The following QTMAN variants were observed in gnomAD, a reference collection of about 807,000 sequenced individuals.
QTMAN encodes the protein tRNA-queuosine alpha-mannosyltransferase.
the QTMAN span, among the ~76,000 whole-genome samples, chr2:144,116,340 G>A: frequency 2.0e-5 from 3 of 151,664 alleles, no homozygotes; most frequent in South Asian, 4.2e-4. Flanking sequence ...AGGGGTGTGT[G>A]TGTGTGCATG....
the QTMAN span, among the ~76,000 whole-genome samples, chr2:144,187,604 A>C: frequency 6.6e-6 from 1 of 152,220 alleles, no homozygotes; most frequent in South Asian, 2.1e-4. Context: ...AATATCTTAC[A>C]GCGTCTTCTG....
At chr2:144,175,588 C>CTCCT in the QTMAN span, among the ~76,000 whole-genome samples, 6 of 152,034 alleles carry the variant, frequency 3.9e-5, no homozygotes, top group African/African-American at 9.7e-5. Context: ...GCAGATAAGT[C>CTCCT]TCCTTCCTTC....
chr2:143,983,051 A>C, the QTMAN span, among the ~76,000 whole-genome samples: 175 of 152,276 alleles, frequency 1.1e-3, no homozygotes, highest in African/African-American at 3.9e-3. Flanking sequence ...GTATATTTTT[A>C]AATCAGAATA....
At chr2:144,308,693 C>T in the QTMAN span, among the ~76,000 whole-genome samples, 19 of 151,904 alleles carry the variant, frequency 1.3e-4, no homozygotes, top group South Asian at 2.1e-4. Context: ...TTGCCGGACG[C>T]GGTGGCTCAC....
the QTMAN span, among the ~76,000 whole-genome samples, chr2:144,255,533 A>G: frequency 6.6e-6 from 1 of 152,198 alleles, no homozygotes; most frequent in African/African-American, 2.4e-5. Flanking sequence ...GTATTTCTTC[A>G]TAGCAGCATG....
the QTMAN span, among the ~76,000 whole-genome samples, chr2:144,061,996 A>C: frequency 1.3e-5 from 2 of 152,114 alleles, no homozygotes; most frequent in Non-Finnish European, 2.9e-5. Context: ...AGCCACCTCC[A>C]TCATTCAGTA....
the QTMAN span, among the ~76,000 whole-genome samples, chr2:143,992,370 C>G: frequency 6.9e-6 from 1 of 145,910 alleles, no homozygotes; most frequent in African/African-American, 2.5e-5. Context: ...ACTCCCTAAT[C>G]TCAAGTACCC....
the QTMAN span, among the ~76,000 whole-genome samples, chr2:144,253,102 G>T: frequency 1.3e-5 from 2 of 152,110 alleles, no homozygotes; most frequent in African/African-American, 4.8e-5. Context: ...ATAGTGAGTT[G>T]TCAAAAGATC....
the QTMAN span, chr2:144,145,668 T>A: frequency 3.1e-6 from 5 of 1,611,870 alleles, no homozygotes; most frequent in Non-Finnish European, 4.2e-6. Context: ...CAGAATCTTT[T>A]TCAGTTTCCC....
chr2:144,196,623 C>T, the QTMAN span, among the ~76,000 whole-genome samples: 1 of 152,116 alleles, frequency 6.6e-6, no homozygotes, highest in Non-Finnish European at 1.5e-5. Flanking sequence ...AAAAAAACCT[C>T]GAAACTATAT....
the QTMAN span, among the ~76,000 whole-genome samples, chr2:144,107,999 C>A: frequency 6.6e-5 from 10 of 152,118 alleles, no homozygotes. Flanking sequence ...ACCAAAGACA[C>A]AAACCACATG....
chr2:143,987,188 G>C, the QTMAN span, among the ~76,000 whole-genome samples: 1 of 152,158 alleles, frequency 6.6e-6, no homozygotes, highest in Non-Finnish European at 1.5e-5. Flanking sequence ...ACCTCAAGTA[G>C]GGTCTAGGGA....
At chr2:144,092,867 TGG>T in the QTMAN span, among the ~76,000 whole-genome samples, 132 of 91,722 alleles carry the variant, frequency 1.4e-3, no homozygotes, top group Admixed American at 4.8e-3. Context: ...AATAAACTTT[TGG>T]GGTGTGTGTG....
chr2:144,090,522 T>C, the QTMAN span, among the ~76,000 whole-genome samples: 2 of 152,010 alleles, frequency 1.3e-5, no homozygotes, highest in African/African-American at 4.8e-5. Context: ...GCGAAACTGA[T>C]GGATACAAGA....
the QTMAN span, among the ~76,000 whole-genome samples, chr2:144,186,297 T>C: frequency 1.3e-5 from 2 of 152,176 alleles, no homozygotes; most frequent in African/African-American, 4.8e-5. Flanking sequence ...CATGCCCTGT[T>C]TTATAAGAGA....
At chr2:144,311,526 C>T in the QTMAN span, among the ~76,000 whole-genome samples, 8 of 152,184 alleles carry the variant, frequency 5.3e-5, no homozygotes. Flanking sequence ...ATAACATGGG[C>T]AAGCAAGCTT....
chr2:144,307,785 AAG>A, the QTMAN span, among the ~76,000 whole-genome samples: 2 of 152,334 alleles, frequency 1.3e-5, no homozygotes, highest in East Asian at 3.9e-4. Flanking sequence ...TAAAAGACAC[AAG>A]AGATTAGCAC....
At chr2:143,964,357 A>C in the QTMAN span, among the ~76,000 whole-genome samples, 8 of 152,150 alleles carry the variant, frequency 5.3e-5, no homozygotes, top group Admixed American at 4.6e-4. Flanking sequence ...GAGAAAAATG[A>C]GTTTATTCAA....
the QTMAN span, among the ~76,000 whole-genome samples, chr2:144,264,904 C>A: frequency 3.3e-5 from 5 of 152,296 alleles, no homozygotes; most frequent in African/African-American, 1.2e-4. Context: ...AGAGAAGGAG[C>A]GCAATGGTCA....
Sources: allele counts gnomAD v4.1 joint callset (sites outside exome capture counted in the v4.1 genomes callset), GRCh38; gene constraint gnomAD v4.1.1; transcripts MANE v1.5; gene names NCBI Gene and HGNC (gene_info 2026-07-23, HGNC 2026-07-21).